Variants in TLK2 observed in about 807,000 individuals in gnomAD.
TLK2 encodes the protein serine/threonine-protein kinase tousled-like 2.
In TLK2, 6 loss-of-function variants were observed where a neutral mutation model predicts 117.3. That is an observed-to-expected ratio of 0.05 (90% CI 0.03 to 0.10). TLK2 has a LOEUF of 0.10. Among genes scored for constraint, TLK2 ranks in the 10% least tolerant of loss-of-function variants. The pLI, the probability that TLK2 is intolerant of heterozygous loss-of-function variation, is 1.00. For synonymous variants in TLK2, 257 were observed against 316.7 expected, an observed-to-expected ratio of 0.81 and a Z score of 2.00; for missense variants, 299 against 901.2, an observed-to-expected ratio of 0.33 and a Z score of 8.56.
chr17:62,474,382 AT>A (rs921581621), upstream of TLK2, among the ~76,000 whole-genome samples: 151 of 147,874 alleles, frequency 1.0e-3, no homozygotes, highest in African/African-American at 3.4e-3. Context: ...CCGGCCCTGT[AT>A]TTTTTTTTAA....
At position 62,612,628 on chromosome 17, in the gene TLK2, G is replaced by A. The variant is rs1181326395; in HGVS notation, c.*63G>A. On this transcript the variant is annotated 3_prime_UTR_variant, in exon 22 of 22. Transcript: ENST00000346027. ...AAGTGGACAAATGGCGTTCAGCAGC[G>A]GGTTTGGAACATAGCGAATCCGAAT... is the stretch of plus-strand genomic sequence containing the variant. 1.3e-5 allele frequency: 19 copies of A among 1,504,240 alleles called. No individual in the cohort carries two copies. The highest frequency in any genetic ancestry group is 1.7e-4 in the Middle Eastern group (1 of 5,718). The allele number at this position is 1,504,240 out of a possible 1,614,324, so 93.2% of individuals were successfully genotyped here.
Position 62,524,281 on chromosome 17 carries a change from C to A in TLK2, c.313C>A (p.Pro105Thr). ...APGTSPGRSV[P>T]PVARSSPQHS... ...AGGAACCAGCCCTGGCAGAAGTGTTCCACCAGTTGCACGATCCTCACCGCA... is the reference window on the plus strand; with the variant it reads ...AGGAACCAGCCCTGGCAGAAGTGTTACACCAGTTGCACGATCCTCACCGCA... The change falls in exon 6 of 22, where the codon CCA becomes ACA. Residue 105 changes from proline to threonine, a missense_variant. By Grantham distance (38) the Pro-to-Thr change is conservative. Transcript: ENST00000346027. The A allele has an allele frequency of 1.2e-6, 2 of 1,613,786 alleles. No individual in the cohort carries two copies. Among genetic ancestry groups the A allele is most frequent in the Non-Finnish European group, 1.7e-6 (2 of 1,179,842 alleles).
At chr17:62,568,864 G>T (rs969317482) in intron 11 of TLK2, among the ~76,000 whole-genome samples, 4 of 152,032 alleles carry the variant, frequency 2.6e-5, no homozygotes, top group Non-Finnish European at 5.9e-5. Context: ...CCGTTTTAAA[G>T]CAATTTACGT....
At position 62,483,397 on chromosome 17, in the gene TLK2, T is replaced by C. The variant is rs2071927325; in HGVS notation, c.81+2191T>C. 2.0e-5 allele frequency among the ~76,000 whole-genome samples: 3 copies of C among 152,220 alleles called. No homozygotes were observed. In the South Asian group the frequency reaches 6.2e-4, roughly 31 times the overall value. ...TAGACCCAACTTAAAGTCATGTAAC[T>C]AAGGTATCAGAAAACTTTAATACAG... On this transcript the variant is annotated intron_variant, in intron 2 of 21. Transcript: ENST00000346027.
chr17:62,513,060 A>G (rs2075286472), intron 2 of TLK2, among the ~76,000 whole-genome samples: 1 of 151,054 alleles, frequency 6.6e-6, no homozygotes, highest in South Asian at 2.1e-4. Flanking sequence ...TTGTATTTTT[A>G]GTAGAGACGG....
upstream of TLK2, chr17:62,477,749 GATTT>G (rs1314756483): frequency 6.6e-6 from 1 of 152,346 alleles, no homozygotes; most frequent in African/African-American, 2.4e-5. Flanking sequence ...GGTGAAGAGT[GATTT>G]TTTTCCCTTG....
In TLK2 at chr17:62,615,123, C is replaced by T. The variant is rs1306701798; in HGVS notation, c.*2558C>T. 1 of 152,048 alleles carries T rather than the reference C, an allele frequency of 6.6e-6. No homozygotes were observed. Among genetic ancestry groups the T allele is most frequent in the Non-Finnish European group, 1.5e-5 (1 of 68,026 alleles). 9.4% of individuals were successfully genotyped at this position (152,048 alleles called of 1,614,324 possible). On this transcript the variant is annotated 3_prime_UTR_variant, in exon 22 of 22. Transcript: ENST00000346027. Reference sequence around the variant, plus strand: ...ACCCTTGTCCTATTGAAAGGATGCCCTCTTCCCTTGCTTTTTTGGTCTAGG... The same window carrying T: ...ACCCTTGTCCTATTGAAAGGATGCCTTCTTCCCTTGCTTTTTTGGTCTAGG...
At chr17:62,476,856 C>T (rs911475686), upstream of TLK2, among the ~76,000 whole-genome samples, 13 of 151,330 alleles carry the variant, frequency 8.6e-5, no homozygotes, top group African/African-American at 2.2e-4. Flanking sequence ...CTGAGATGGG[C>T]GGATCAACTG....
intron 21 of TLK2, among the ~76,000 whole-genome samples, chr17:62,608,442 G>A (rs909731402): frequency 1.2e-4 from 19 of 152,144 alleles, no homozygotes; most frequent in Non-Finnish European, 1.6e-4. Flanking sequence ...GAGAGAACAG[G>A]TGTGTGGATG....
intron 6 of TLK2, among the ~76,000 whole-genome samples, chr17:62,524,569 C>T (rs1341819544): frequency 6.6e-6 from 1 of 152,184 alleles, no homozygotes; most frequent in Non-Finnish European, 1.5e-5. Flanking sequence ...AATCCTACAG[C>T]TCAGTAGTCT....
intron 7 of TLK2, among the ~76,000 whole-genome samples, chr17:62,545,662 G>T (rs2077855667): frequency 6.6e-6 from 1 of 152,104 alleles, no homozygotes; most frequent in Non-Finnish European, 1.5e-5. Context: ...TTTTTCAGAG[G>T]TGGTCATTTT....
rs150823726 is a variant in TLK2 at position 62,531,150 on chromosome 17, G to T, written c.364-5020G>T. Among the ~76,000 whole-genome samples the T allele has an allele frequency of 2.5e-3, 381 of 152,156 alleles. 1 individual carries two copies. Among genetic ancestry groups the T allele is most frequent in the African/African-American group, 8.4e-3 (350 of 41,536 alleles). ...ATCTTTCATCCGTTCTGAATAATTA[G>T]CCATTGTCTCTTTGAATATTATCTC... On this transcript the variant is annotated intron_variant, in intron 6 of 21. Transcript: ENST00000346027.
At chr17:62,557,518 A>G (rs1222667934) in intron 9 of TLK2, among the ~76,000 whole-genome samples, 1 of 152,044 alleles carries the variant, frequency 6.6e-6, no homozygotes, top group Non-Finnish European at 1.5e-5. Flanking sequence ...GGAGACCCAT[A>G]TGTAGTCTCA....
chr17:62,600,834 T>A lies in TLK2; in HGVS notation c.1720+14T>A. 1.3e-6 allele frequency: 2 copies of A among 1,589,804 alleles called. No individual in the cohort carries two copies. Among genetic ancestry groups the A allele is most frequent in the Non-Finnish European group, 1.7e-6 (2 of 1,171,200 alleles). The stretch of plus-strand genomic sequence containing the variant: ...ACCTCAAACCAGGTATGTCTAACTT[T>A]TAGGAGACAGTATTAGTGGGTTTTC... On this transcript the variant is annotated intron_variant, in intron 18 of 21. Transcript: ENST00000346027.
At chr17:62,498,890 T>C (rs1431270536) in intron 2 of TLK2, among the ~76,000 whole-genome samples, 1 of 152,042 alleles carries the variant, frequency 6.6e-6, no homozygotes, top group African/African-American at 2.4e-5. Flanking sequence ...TGAGACACAG[T>C]CTCTCTCTGT....
chr17:62,590,085 G>A (rs1362481279), intron 16 of TLK2, among the ~76,000 whole-genome samples: 1 of 148,572 alleles, frequency 6.7e-6, no homozygotes, highest in East Asian at 2.1e-4. Flanking sequence ...GGGATTACAG[G>A]CATGAGCCAC....
chr17:62,584,802 T>C (rs2081491892), intron 15 of TLK2, among the ~76,000 whole-genome samples: 1 of 152,260 alleles, frequency 6.6e-6, no homozygotes, highest in Non-Finnish European at 1.5e-5. Context: ...CTACATGCAG[T>C]GCTTATCCAG....
At chr17:62,609,204 T>C (rs771785669) in intron 21 of TLK2, among the ~76,000 whole-genome samples, 3 of 152,138 alleles carry the variant, frequency 2.0e-5, no homozygotes, top group Non-Finnish European at 4.4e-5. Context: ...CACCTCTGCC[T>C]CCCAAGAAGC....
chr17:62,588,021 TA>T (rs1326298199), intron 16 of TLK2, among the ~76,000 whole-genome samples: 3 of 139,530 alleles, frequency 2.2e-5, no homozygotes, highest in African/African-American at 5.4e-5. Context: ...TGTATATGTA[TA>T]AAATATACGT....
Sources: gnomAD v4.1 joint callset for allele counts (sites outside exome capture counted in the v4.1 genomes callset) on GRCh38, gnomAD v4.1.1 for gene constraint, MANE v1.5 for transcripts, NCBI Gene and HGNC (gene_info 2026-07-23, HGNC 2026-07-21) for gene names.